The following SELENOI variants were observed in gnomAD, a reference collection of about 807,000 sequenced individuals.
The protein encoded by SELENOI is selenoprotein I, also known as ethanolaminephosphotransferase 1.
Under a neutral mutation model 50.7 loss-of-function variants are expected in SELENOI, and 24 were observed. The observed-to-expected ratio is 0.47, with a 90% CI of 0.34 to 0.67. The LOEUF (loss-of-function observed/expected upper bound fraction) is 0.67. SELENOI is among the 30% of genes least tolerant of loss of function. The pLI, the probability that SELENOI is intolerant of heterozygous loss-of-function variation, is 0.01. For synonymous variants in SELENOI, 155 were observed against 170.2 expected (o/e 0.91, Z 0.70); for missense variants, 352 against 461.4 (o/e 0.76, Z 2.17).
rs1678044109 is a variant in SELENOI, at chr2:26,394,503, T to G, written c.*5400T>G. 6.6e-6 allele frequency: 1 copy of G among 152,228 alleles called. No individual in the cohort carries two copies. The highest frequency in any genetic ancestry group is 1.5e-5 in the Non-Finnish European group (1 of 68,038). 9.4% of individuals were successfully genotyped at this position (152,228 alleles called of 1,614,324 possible). A position where few individuals can be genotyped will look rare whatever the true frequency, so the allele number is the denominator to read the frequency against. On this transcript the variant is annotated 3_prime_UTR_variant, in exon 10 of 10. Transcript: ENST00000260585. The surrounding 1 kb of genome is among the most constrained non-coding windows in gnomAD (Gnocchi z 4.1). Reference sequence around the variant, plus strand: ...AGACTGCTCACAATATTAACTTTTTTTGTAGGTTATTTTGTTGTTTAGATA... The same window carrying G: ...AGACTGCTCACAATATTAACTTTTTGTGTAGGTTATTTTGTTGTTTAGATA...
intron 1 of SELENOI, among the ~76,000 whole-genome samples, chr2:26,362,171 G>A (rs889562228): frequency 1.4e-4 from 22 of 151,936 alleles, no homozygotes; most frequent in Admixed American, 2.6e-4. Context: ...CCGGGTTCAC[G>A]CCATTCTCCT....
intron 3 of SELENOI, among the ~76,000 whole-genome samples, chr2:26,365,439 C>G (rs1677267101): frequency 6.6e-6 from 1 of 152,208 alleles, no homozygotes; most frequent in Non-Finnish European, 1.5e-5. Flanking sequence ...TGCTCCTGCC[C>G]TCTGCTCCAA....
chr2:26,346,623 A>G (rs533399485), intron 1 of SELENOI: 2 of 193,812 alleles, frequency 1.0e-5, no homozygotes, highest in Non-Finnish European at 2.1e-5. Flanking sequence ...TGTTGTGTCA[A>G]TCGCCTTCAT....
At chr2:26,364,155 G>T in intron 1 of SELENOI, 147 bp from the exon 2 acceptor site, 12 of 395,788 alleles carry the variant, frequency 3.0e-5, no homozygotes, top group East Asian at 1.4e-4. Flanking sequence ...GGGCTCAAGT[G>T]ATCCTCAGGC....
chr2:26,386,674 T>G lies in SELENOI; in HGVS notation c.1095+138T>G, dbSNP rs553132095. On this transcript the variant is annotated intron_variant, in intron 9 of 9. Coordinates refer to ENST00000260585, the MANE Select transcript of SELENOI (RefSeq NM_033505.4). ...TAGTAGCTGTAAGGGTTTTGGGATA[T>G]TCTCTAAATTTTGGATAATATCCAG... 7 of 666,308 alleles carry G rather than the reference T, an allele frequency of 1.1e-5. No homozygotes were observed. In the South Asian group the frequency reaches 1.3e-4, roughly 13 times the overall value. The allele number at this position is 666,308 out of a possible 1,614,324, so 41.3% of individuals were successfully genotyped here.
chr2:26,370,922 CGGGGG>C (rs1375988912), intron 4 of SELENOI, among the ~76,000 whole-genome samples: 1 of 91,532 alleles, frequency 1.1e-5, no homozygotes, highest in Non-Finnish European at 2.5e-5. Context: ...GCTGGCCGGG[CGGGGG>C]GCTGACCCCC....
At chr2:26,383,241 T>C in intron 6 of SELENOI, 58 bp from the exon 7 acceptor site, 2 of 1,309,448 alleles carry the variant, frequency 1.5e-6, no homozygotes, top group Non-Finnish European at 2.1e-6. Flanking sequence ...CATGATTCAG[T>C]GGTAATGTAA....
Position 26,346,156 on chromosome 2 carries a change from A to G in SELENOI, c.-77A>G, listed in dbSNP as rs1574743216. The G allele has an allele frequency of 6.2e-7, 1 of 1,609,378 alleles. No homozygotes were observed. The highest frequency in any genetic ancestry group is 1.1e-5 in the South Asian group (1 of 90,238). ...AGCCCAGTCTTTGCCATCCTTGCCC[A>G]GCCGGTGTGGTGCTTGTGTGTCACA... On this transcript the variant is annotated 5_prime_UTR_variant, in exon 1 of 10. Transcript: ENST00000260585.
At chr2:26,373,666 CATG>C in intron 5 of SELENOI, 37 bp downstream of exon 5, 1 of 1,588,796 alleles carries the variant, frequency 6.3e-7, no homozygotes, top group Non-Finnish European at 8.6e-7. Context: ...TCAGTATTAC[CATG>C]ATACTTTTGG....
intron 1 of SELENOI, among the ~76,000 whole-genome samples, chr2:26,350,910 A>G (rs1272889063): frequency 6.6e-6 from 1 of 152,218 alleles, no homozygotes; most frequent in African/African-American, 2.4e-5. Context: ...GTAGTCAAAA[A>G]TACATTTAAT....
intron 8 of SELENOI, 78 bp from the exon 9 acceptor site, chr2:26,386,276 G>T: frequency 7.3e-7 from 1 of 1,365,268 alleles, no homozygotes; most frequent in Non-Finnish European, 1.0e-6. Context: ...TTCAAATGTT[G>T]GAAAGACTAG....
At chr2:26,346,482 G>T in intron 1 of SELENOI, 193 bp downstream of exon 1, 1 of 579,138 alleles carries the variant, frequency 1.7e-6, no homozygotes, top group Non-Finnish European at 2.8e-6. Flanking sequence ...CCCGCCGCCC[G>T]TAGTCGGCAC....
intron 1 of SELENOI, among the ~76,000 whole-genome samples, chr2:26,360,968 A>T (rs1310293372): frequency 6.6e-6 from 1 of 152,164 alleles, no homozygotes; most frequent in African/African-American, 2.4e-5. Context: ...TAATCCCAGC[A>T]CTTTGGGAGG....
In SELENOI at chr2:26,361,549, A is replaced by G. The variant is rs1028021188; in HGVS notation, c.58-2753A>G. On this transcript the variant is annotated intron_variant, in intron 1 of 9. Transcript: ENST00000260585. ...GGTTAAAATGAAACCTTGGTTAAGT[A>G]GGTGACTGCTGTACTAATATAAGTG... is the stretch of plus-strand genomic sequence containing the variant. Among the ~76,000 whole-genome samples, 6 of 152,344 alleles carry G rather than the reference A, an allele frequency of 3.9e-5. No homozygotes were observed. In the East Asian group the frequency reaches 1.2e-3, roughly 29 times the overall value.
intron 4 of SELENOI, among the ~76,000 whole-genome samples, chr2:26,370,957 G>C (rs1472053205): frequency 2.9e-5 from 4 of 136,726 alleles, no homozygotes; most frequent in Admixed American, 7.0e-5. Context: ...TCCCGGATGG[G>C]GCGGCTGGCC....
At chr2:26,350,106 C>T (rs1421017981) in intron 1 of SELENOI, among the ~76,000 whole-genome samples, 2 of 141,440 alleles carry the variant, frequency 1.4e-5, no homozygotes, top group Non-Finnish European at 3.1e-5. Flanking sequence ...GACCCTGACT[C>T]AAAAAAAAAA....
chr2:26,373,501 A>C lies in SELENOI; in HGVS notation c.445A>C (p.Thr149Pro). Residue 149 changes from threonine (T) to proline (P), a missense_variant, in exon 5 of 10, where the codon ACT (threonine) becomes CCT (proline). By Grantham distance (38) the Thr-to-Pro change is conservative. Transcript: ENST00000260585. Reference protein sequence around the residue: ...TVYSIFGRGSTGVSVFVLYLL... With the variant: ...TVYSIFGRGSPGVSVFVLYLL... ...TTATTCCATCTTTGGAAGAGGATCAACTGGTGTCAGTGTTTTTGTTCTTTA... is the reference window on the plus strand; with the variant it reads ...TTATTCCATCTTTGGAAGAGGATCACCTGGTGTCAGTGTTTTTGTTCTTTA... The C allele has an allele frequency of 6.2e-7, 1 of 1,614,018 alleles. No individual in the cohort carries two copies. The highest frequency in any genetic ancestry group is 8.5e-7 in the Non-Finnish European group (1 of 1,179,888).
chr2:26,365,101 A>G (rs918868447), intron 3 of SELENOI, among the ~76,000 whole-genome samples, 161 bp downstream of exon 3: 19 of 152,228 alleles, frequency 1.2e-4, no homozygotes, highest in Non-Finnish European at 5.9e-5. Flanking sequence ...CTAAAAAGCA[A>G]TGAGGTTTTG....
intron 9 of SELENOI, among the ~76,000 whole-genome samples, chr2:26,387,927 C>T (rs1198642123): frequency 2.0e-5 from 3 of 152,082 alleles, no homozygotes; most frequent in Non-Finnish European, 4.4e-5. Context: ...TTTTCACACA[C>T]AGTTTTTAAG....
Sources: gnomAD v4.1 joint callset for allele counts (sites outside exome capture counted in the v4.1 genomes callset) on GRCh38, gnomAD v4.1.1 for gene constraint, Gnocchi (gnomAD v3.1) non-coding constraint, MANE v1.5 for transcripts, NCBI Gene and HGNC (gene_info 2026-07-23, HGNC 2026-07-21) for gene names.